The following ATF6 variants were observed in gnomAD, a reference collection of about 807,000 sequenced individuals.
ATF6 encodes activating transcription factor 6.
Under a neutral mutation model 83.6 loss-of-function variants are expected in ATF6, and 53 were observed. The ratio of observed to expected loss-of-function variants is 0.63; its 90% CI spans 0.51 to 0.80. The LOEUF is 0.80. Among genes scored for constraint, ATF6 ranks in the 30% least tolerant of loss-of-function variants. ATF6 has a pLI of 0.00. For missense variants in ATF6, 744 were observed against 797.9 expected, an observed-to-expected ratio of 0.93 and a Z score of 0.81; for synonymous variants, 288 against 285.8, an observed-to-expected ratio of 1.01 and a Z score of -0.08.
intron 14 of ATF6, among the ~76,000 whole-genome samples, chr1:161,897,285 T>C (rs1687694644): frequency 6.6e-6 from 1 of 151,766 alleles, no homozygotes; most frequent in Non-Finnish European, 1.5e-5. Context: ...ATACAAAAAG[T>C]TAGCCGGGCA....
chr1:161,871,999 G>T (rs1036932345), intron 14 of ATF6, among the ~76,000 whole-genome samples: 1 of 151,570 alleles, frequency 6.6e-6, no homozygotes, highest in African/African-American at 2.4e-5. Context: ...AAGTTACAAG[G>T]TGGGGCTATA....
intron 15 of ATF6, among the ~76,000 whole-genome samples, chr1:161,931,940 A>G (rs1463984656): frequency 6.6e-6 from 1 of 152,208 alleles, no homozygotes; most frequent in Non-Finnish European, 1.5e-5. Flanking sequence ...GTTGTGGAGT[A>G]GCCTGAAATG....
chr1:161,859,300 T>A (rs1686829980), intron 12 of ATF6, among the ~76,000 whole-genome samples: 1 of 152,222 alleles, frequency 6.6e-6, no homozygotes, highest in South Asian at 2.1e-4. Context: ...CCTTTTCTTT[T>A]CTCCCTTAAA....
intron 14 of ATF6, among the ~76,000 whole-genome samples, chr1:161,909,451 C>T (rs1359334361): frequency 2.0e-5 from 3 of 151,992 alleles, no homozygotes; most frequent in African/African-American, 7.2e-5. Flanking sequence ...TGGCCTTGTG[C>T]CCAACTAAAT....
At chr1:161,945,969 C>G (rs1051478267) in intron 15 of ATF6, among the ~76,000 whole-genome samples, 1 of 152,076 alleles carries the variant, frequency 6.6e-6, no homozygotes, top group South Asian at 2.1e-4. Context: ...CTACTGAGTA[C>G]CTGACTTCAG....
chr1:161,811,337 C>T (rs769736717), intron 7 of ATF6, among the ~76,000 whole-genome samples: 12 of 152,158 alleles, frequency 7.9e-5, no homozygotes, highest in East Asian at 1.9e-4. Context: ...ACAGGTAGTT[C>T]GAGAATGATA....
At chr1:161,831,158 A>G (rs1450135528) in intron 9 of ATF6, among the ~76,000 whole-genome samples, 2 of 152,238 alleles carry the variant, frequency 1.3e-5, no homozygotes, top group African/African-American at 4.8e-5. Flanking sequence ...ACTTCTCAAA[A>G]GAAGACATTT....
chr1:161,821,011 G>A (rs967951251), intron 8 of ATF6, 59 bp from the exon 9 acceptor site: 91 of 1,224,452 alleles, frequency 7.4e-5, no homozygotes, highest in South Asian at 1.4e-4. Context: ...AATCTTAAGC[G>A]TTGCTTTTTC....
intron 7 of ATF6, among the ~76,000 whole-genome samples, chr1:161,811,472 T>C (rs1685454349): frequency 6.6e-6 from 1 of 152,228 alleles, no homozygotes; most frequent in East Asian, 1.9e-4. Flanking sequence ...TGCGGTTGTG[T>C]GTGTGTGCTG....
intron 14 of ATF6, among the ~76,000 whole-genome samples, chr1:161,892,628 CTTTT>C (rs773642361): frequency 1.6e-5 from 2 of 124,716 alleles, no homozygotes; most frequent in African/African-American, 3.1e-5. Flanking sequence ...ACAGGTCATT[CTTTT>C]TTTTTTTTTT....
intron 9 of ATF6, among the ~76,000 whole-genome samples, chr1:161,826,492 G>A (rs1197970044): frequency 2.0e-5 from 3 of 152,074 alleles, no homozygotes; most frequent in Non-Finnish European, 4.4e-5. Flanking sequence ...ATTAAAAATC[G>A]GAGAAAGCTT....
rs1244609574 is a variant in ATF6, at chr1:161,958,703, A to T, written c.*49A>T. 2 of 1,494,102 alleles carry T rather than the reference A, an allele frequency of 1.3e-6. No individual in the cohort carries two copies. The highest frequency in any genetic ancestry group is 3.9e-5 in the Admixed American group (2 of 51,170). The allele number at this position is 1,494,102 out of a possible 1,614,324, so 92.6% of individuals were successfully genotyped here. The stretch of plus-strand genomic sequence containing the variant: ...CTGAGCGTGGGACCCTGCCAGACTG[A>T]AGAGCAGGTGAGCAAAATGCTGCTT... On this transcript the variant is annotated 3_prime_UTR_variant, in exon 16 of 16. Coordinates refer to ENST00000367942, the MANE Select transcript of ATF6 (RefSeq NM_007348.4).
chr1:161,868,109 A>G (rs1308348889), intron 14 of ATF6, among the ~76,000 whole-genome samples: 1 of 152,208 alleles, frequency 6.6e-6, no homozygotes, highest in East Asian at 1.9e-4. Context: ...GAATTGGAAT[A>G]GTGGTTTATT....
At chr1:161,888,173 A>T (rs1343488153) in intron 14 of ATF6, among the ~76,000 whole-genome samples, 1 of 152,234 alleles carries the variant, frequency 6.6e-6, no homozygotes, top group East Asian at 1.9e-4. Context: ...TCAGACAACG[A>T]AAGAAAATAA....
rs778344029 is a variant in ATF6, at chr1:161,846,432, C to T, written c.1188-17C>T. 2 of 1,593,050 alleles carry T rather than the reference C, an allele frequency of 1.3e-6. No homozygotes were observed. Among genetic ancestry groups the T allele is most frequent in the African/African-American group, 2.7e-5 (2 of 73,754 alleles). On this transcript the variant is annotated splice_polypyrimidine_tract_variant and intron_variant, in intron 9 of 15. Coordinates refer to ENST00000367942, the MANE Select transcript of ATF6 (RefSeq NM_007348.4). ...ATATTTTTATTTCAGCTATTATTTC[C>T]TGTTTTTTATTTTCAGCATGTTGGA...
chr1:161,932,294 T>C (rs1298320978), intron 15 of ATF6, among the ~76,000 whole-genome samples: 1 of 152,186 alleles, frequency 6.6e-6, no homozygotes, highest in African/African-American at 2.4e-5. Flanking sequence ...ACAGCCTCAT[T>C]TTCCATCCAC....
chr1:161,949,371 A>G (rs1688819080), intron 15 of ATF6, among the ~76,000 whole-genome samples: 1 of 152,186 alleles, frequency 6.6e-6, no homozygotes, highest in African/African-American at 2.4e-5. Flanking sequence ...GTCTGAGTTG[A>G]ATTGAGGCTC....
chr1:161,893,989 ACT>A (rs1687615639), intron 14 of ATF6, among the ~76,000 whole-genome samples: 1 of 151,974 alleles, frequency 6.6e-6, no homozygotes, highest in Non-Finnish European at 1.5e-5. Context: ...CCTTTTTCCA[ACT>A]CTGTATCAAA....
At chr1:161,920,877 A>T (rs1404376181) in intron 15 of ATF6, among the ~76,000 whole-genome samples, 1 of 152,200 alleles carries the variant, frequency 6.6e-6, no homozygotes, top group Admixed American at 6.5e-5. Flanking sequence ...AACTGTGTCA[A>T]CTATTTAGGC....
Sources: allele counts gnomAD v4.1 joint callset (sites outside exome capture counted in the v4.1 genomes callset), GRCh38; gene constraint gnomAD v4.1.1; transcripts MANE v1.5; gene names NCBI Gene and HGNC (gene_info 2026-07-23, HGNC 2026-07-21).